Variants in GRK5 observed in about 807,000 individuals in gnomAD.
The protein encoded by GRK5 is G protein-coupled receptor kinase 5.
A neutral mutation model predicts 78.4 loss-of-function variants in GRK5; 40 were observed. The ratio of observed to expected loss-of-function variants is 0.51; its 90% confidence interval spans 0.40 to 0.66. The LOEUF is 0.66. Ranked by LOEUF, GRK5 falls within the 30% of genes least tolerant of loss-of-function variation. The probability of loss-of-function intolerance (pLI) is 0.00; values close to 1 mark genes in which losing one functional copy is unlikely to be tolerated. For synonymous variants in GRK5, 289 were observed against 296.8 expected (o/e 0.97, Z 0.27); for missense variants, 598 against 759.9 (o/e 0.79, Z 2.50).
chr10:119,305,039 T>C (rs1160678698), intron 1 of GRK5, among the ~76,000 whole-genome samples: 4 of 151,856 alleles, frequency 2.6e-5, no homozygotes, highest in East Asian at 1.9e-4. Flanking sequence ...GTTTTTCTTT[T>C]GCTGACACCT....
chr10:119,409,054 C>G (rs1475200815), intron 4 of GRK5, among the ~76,000 whole-genome samples: 1 of 152,202 alleles, frequency 6.6e-6, no homozygotes, highest in South Asian at 2.1e-4. Context: ...GAGCAAGCCC[C>G]GGAGGCGGTG....
Position 119,436,968 on chromosome 10 carries a change from C to T in GRK5, c.929+127C>T, listed in dbSNP as rs764525423. On this transcript the variant is annotated intron_variant, in intron 9 of 15. Coordinates refer to ENST00000392870, the MANE Select transcript of GRK5 (RefSeq NM_005308.3). ...CCCTGGTCAGCACCAGGGGAGGATG[C>T]AGAGTCAGACAGACTTTCCACTCCA... is the stretch of plus-strand genomic sequence containing the variant. 5.8e-6 allele frequency: 5 copies of T among 856,364 alleles called. No individual in the cohort carries two copies. In the East Asian group the frequency reaches 1.1e-4, roughly 20 times the overall value. 53.0% of individuals were successfully genotyped at this position (856,364 alleles called of 1,614,324 possible).
At position 119,431,354 on chromosome 10, in the gene GRK5, T is replaced by C; in HGVS notation, c.598-33T>C. 6.2e-7 allele frequency: 1 copy of C among 1,600,050 alleles called. No homozygotes were observed. The highest frequency in any genetic ancestry group is 1.7e-5 in the Admixed American group (1 of 58,588). On this transcript the variant is annotated intron_variant, in intron 7 of 15. Coordinates refer to ENST00000392870, the MANE Select transcript of GRK5 (RefSeq NM_005308.3). The surrounding 1 kb of genome is among the most constrained non-coding windows in gnomAD (Gnocchi z 4.8). Reference sequence around the variant, plus strand: ...AGCTCGGGGCAGGCCTCCACGGTGCTCCTGCCACCCTGGTTTCTTTCTTGC... The same window carrying C: ...AGCTCGGGGCAGGCCTCCACGGTGCCCCTGCCACCCTGGTTTCTTTCTTGC...
At chr10:119,369,815 G>A (rs1433048694) in intron 2 of GRK5, among the ~76,000 whole-genome samples, 3 of 151,946 alleles carry the variant, frequency 2.0e-5, no homozygotes, top group Non-Finnish European at 1.5e-5. Context: ...CCTTCTTTCC[G>A]ATATGCCAGG....
intron 2 of GRK5, among the ~76,000 whole-genome samples, chr10:119,350,053 A>G (rs1851166235): frequency 6.6e-6 from 1 of 152,246 alleles, no homozygotes; most frequent in African/African-American, 2.4e-5. Context: ...CGACAGCTTA[A>G]CCACAGGTGT....
intron 13 of GRK5, among the ~76,000 whole-genome samples, chr10:119,448,957 G>A (rs1277733216): frequency 6.6e-6 from 1 of 152,240 alleles, no homozygotes; most frequent in Non-Finnish European, 1.5e-5. Context: ...TGATTCCGGG[G>A]CCTGCTCTGT....
At chr10:119,210,348 G>T (rs1242079723) in intron 1 of GRK5, among the ~76,000 whole-genome samples, 1 of 152,198 alleles carries the variant, frequency 6.6e-6, no homozygotes, top group Non-Finnish European at 1.5e-5. Context: ...TCTCTCTTAT[G>T]CCTAGAGGAA....
rs1853383903 is a variant in GRK5 at position 119,455,291 on chromosome 10, CT to C, written c.*227del. ...CCCGGCCGGGGTGGATTGGATTTGT[CT>C]TTGGTGAACATTGCAATAGAAATCC... On this transcript the variant is annotated 3_prime_UTR_variant, in exon 16 of 16. Coordinates refer to ENST00000392870, the MANE Select transcript of GRK5 (RefSeq NM_005308.3). 1.4e-6 allele frequency: 1 copy of C among 693,924 alleles called. No individual in the cohort carries two copies. The highest frequency in any genetic ancestry group is 1.8e-5 in the African/African-American group (1 of 57,086). 43.0% of individuals were successfully genotyped at this position (693,924 alleles called of 1,614,324 possible).
intron 1 of GRK5, among the ~76,000 whole-genome samples, chr10:119,289,878 C>T (rs1849919179): frequency 1.3e-5 from 2 of 152,222 alleles, no homozygotes; most frequent in African/African-American, 4.8e-5. Context: ...ACGCCTGACA[C>T]ACACTATTTA....
At chr10:119,293,893 A>T (rs1334446272) in intron 1 of GRK5, among the ~76,000 whole-genome samples, 2 of 152,074 alleles carry the variant, frequency 1.3e-5, no homozygotes, top group African/African-American at 2.4e-5. Context: ...ATCTATTACG[A>T]TCTAATAATG....
At chr10:119,209,514 T>G (rs796382113) in intron 1 of GRK5, among the ~76,000 whole-genome samples, 2 of 112,130 alleles carry the variant, frequency 1.8e-5, no homozygotes, top group African/African-American at 7.4e-5. Context: ...TTTTTTTTTT[T>G]CCTAACCTGA....
intron 3 of GRK5, among the ~76,000 whole-genome samples, chr10:119,391,542 T>TGCAGG (rs1851888221): frequency 6.6e-6 from 1 of 152,086 alleles, no homozygotes; most frequent in Non-Finnish European, 1.5e-5. Context: ...CCCCGCAACC[T>TGCAGG]GCAGGGCCAA....
intron 3 of GRK5, among the ~76,000 whole-genome samples, chr10:119,385,677 G>C (rs1415998389): frequency 6.6e-6 from 1 of 152,142 alleles, no homozygotes; most frequent in Non-Finnish European, 1.5e-5. Context: ...TCAAAGTTTT[G>C]ACCTGAACAA....
intron 2 of GRK5, among the ~76,000 whole-genome samples, chr10:119,345,410 CAG>C (rs569302013): frequency 1.6e-4 from 25 of 152,106 alleles, no homozygotes; most frequent in Non-Finnish European, 2.9e-4. Context: ...CTGTTTCCCA[CAG>C]GGGCTTCCTA....
At chr10:119,311,044 T>C (rs1293150416) in intron 1 of GRK5, among the ~76,000 whole-genome samples, 3 of 152,224 alleles carry the variant, frequency 2.0e-5, no homozygotes, top group Non-Finnish European at 2.9e-5. Flanking sequence ...TGTGTGTACC[T>C]TCCGCCTTGC....
chr10:119,247,771 TG>T (rs1420644695), intron 1 of GRK5, among the ~76,000 whole-genome samples: 6 of 152,214 alleles, frequency 3.9e-5, no homozygotes, highest in African/African-American at 1.4e-4. Context: ...TGTTGGCAAG[TG>T]GTGACTTGTA....
At chr10:119,320,838 G>T (rs1229480792) in intron 1 of GRK5, among the ~76,000 whole-genome samples, 1 of 152,228 alleles carries the variant, frequency 6.6e-6, no homozygotes, top group Admixed American at 6.5e-5. Context: ...CACGGGGGAG[G>T]TGGGAGGTGA....
intron 12 of GRK5, among the ~76,000 whole-genome samples, chr10:119,446,030 C>T (rs1853139606): frequency 6.6e-6 from 1 of 152,210 alleles, no homozygotes; most frequent in African/African-American, 2.4e-5. Context: ...TCAGTCCCAG[C>T]ACTGGGCCTT....
At chr10:119,362,098 T>C (rs1851374896) in intron 2 of GRK5, among the ~76,000 whole-genome samples, 1 of 151,890 alleles carries the variant, frequency 6.6e-6, no homozygotes, top group Non-Finnish European at 1.5e-5. Context: ...GAAGGAATAA[T>C]ATTTTAAAGA....
Sources: allele counts gnomAD v4.1 joint callset (sites outside exome capture counted in the v4.1 genomes callset), GRCh38; gene constraint gnomAD v4.1.1; non-coding constraint Gnocchi (gnomAD v3.1); transcripts MANE v1.5; gene names NCBI Gene and HGNC (gene_info 2026-07-23, HGNC 2026-07-21).